Variants in KIF21A observed in about 807,000 individuals in gnomAD.
KIF21A encodes kinesin-like protein KIF21A.
KIF21A carries 114 observed loss-of-function variants against 202.9 expected under a neutral mutation model. That is an observed-to-expected ratio of 0.56 (90% CI 0.48 to 0.66). KIF21A has a LOEUF of 0.66. Among genes scored for constraint, KIF21A ranks in the 30% least tolerant of loss-of-function variants. The pLI is 0.00. For missense variants in KIF21A, 1,677 were observed against 1,994.9 expected (o/e 0.84, Z 3.04); for synonymous variants, 667 against 670.8 (o/e 0.99, Z 0.09).
At chr12:39,296,373 T>A (rs1942372524) in intron 37 of KIF21A, among the ~76,000 whole-genome samples, 1 of 152,058 alleles carries the variant, frequency 6.6e-6, no homozygotes, top group African/African-American at 2.4e-5. Flanking sequence ...CTGGCCAGGA[T>A]ATGCTGTTTT....
chr12:39,319,289 A>T (rs983317967), intron 28 of KIF21A, among the ~76,000 whole-genome samples: 1 of 152,216 alleles, frequency 6.6e-6, no homozygotes, highest in African/African-American at 2.4e-5. Flanking sequence ...CAGTGGTTCT[A>T]ATCCAATCAA....
At chr12:39,321,206 A>C (rs1945213362) in intron 27 of KIF21A, 1 of 152,198 alleles carries the variant, frequency 6.6e-6, no homozygotes, top group Non-Finnish European at 1.5e-5. Flanking sequence ...ACAATGTATA[A>C]AGAATTACAA....
rs10243 is a variant in KIF21A at position 39,301,540 on chromosome 12, C to T, written c.4871G>A (p.Gly1624Asp). The change falls in exon 37 of 38, where the codon GGT becomes GAT. Residue 1624 changes from glycine to aspartate, a missense_variant. Gly to Asp is a moderately conservative substitution (Grantham distance 94, BLOSUM62 -1). Around this residue, in one of 3 missense-constraint regions of KIF21A, gnomAD observed 705 missense variants for 791.9 expected, o/e 0.89. Transcript: ENST00000361418. Reference protein sequence around the residue: ...DTFMPVGEMKGHDSPINAICV... With the variant: ...DTFMPVGEMKDHDSPINAICV... ...TATGGCATTGATAGGACTATCATGA[C>T]CCTTCATCTCTCCCACTGGCATAAA... is the stretch of plus-strand genomic sequence containing the variant. 1 of 1,614,030 alleles carries T rather than the reference C, an allele frequency of 6.2e-7. No homozygotes were observed. Among genetic ancestry groups the T allele is most frequent in the Non-Finnish European group, 8.5e-7 (1 of 1,179,956 alleles).
At chr12:39,369,995 T>C (rs376250381) in intron 2 of KIF21A, 44 bp downstream of exon 2, 115 of 1,594,104 alleles carry the variant, frequency 7.2e-5, no homozygotes, top group Non-Finnish European at 9.3e-5. Context: ...TGAATTAACA[T>C]TTCTGAAAAG....
At chr12:39,302,042 T>C (rs895200766) in intron 36 of KIF21A, among the ~76,000 whole-genome samples, 1 of 152,198 alleles carries the variant, frequency 6.6e-6, no homozygotes, top group Non-Finnish European at 1.5e-5. Context: ...CAACCTGGTA[T>C]GTGGACTATA....
At chr12:39,301,764 A>G (rs1033936938) in intron 36 of KIF21A, 85 bp from the exon 37 acceptor site, 153 of 1,184,540 alleles carry the variant, frequency 1.3e-4, no homozygotes, top group Non-Finnish European at 1.8e-4. Context: ...AAAACATTTT[A>G]TTGCCAAAAC....
At chr12:39,364,518 A>T (rs1411062011) in intron 6 of KIF21A, among the ~76,000 whole-genome samples, 1 of 152,218 alleles carries the variant, frequency 6.6e-6, no homozygotes, top group African/African-American at 2.4e-5. Context: ...CATCAAGATG[A>T]GTATTGGAGT....
At chr12:39,430,677 T>C (rs1937760406) in intron 1 of KIF21A, among the ~76,000 whole-genome samples, 1 of 152,200 alleles carries the variant, frequency 6.6e-6, no homozygotes, top group Non-Finnish European at 1.5e-5. Flanking sequence ...ATTTTATGTT[T>C]TGGTGTGTGT....
intron 37 of KIF21A, among the ~76,000 whole-genome samples, chr12:39,296,066 A>T (rs1591991132): frequency 8.6e-6 from 1 of 116,788 alleles, no homozygotes; most frequent in Non-Finnish European, 1.7e-5. Flanking sequence ...AGTGCTTGGG[A>T]TACGCTTTTT....
rs757651743 is a variant in KIF21A at position 39,357,412 on chromosome 12, C to T, written c.1241G>A (p.Gly414Asp). ...KTGKRIIDEEGVESINDMFHE... is the reference protein window; with the variant it reads ...KTGKRIIDEEDVESINDMFHE... ...AAACATGTCATTGATGCTTTCCACA[C>T]CCTCTTCGTCAATTATTCTTTTACC... The change falls in exon 9 of 38, where the codon GGT (glycine) becomes GAT (aspartate). Residue 414 changes from glycine to aspartate, a missense_variant. Gly to Asp is a moderately conservative substitution (Grantham distance 94, BLOSUM62 -1). Transcript: ENST00000361418. The T allele has an allele frequency of 5.6e-6, 9 of 1,614,016 alleles. No homozygotes were observed. The highest frequency in any genetic ancestry group is 7.6e-6 in the Non-Finnish European group (9 of 1,179,906).
intron 31 of KIF21A, chr12:39,312,366 G>A (rs1378858256): frequency 6.6e-6 from 1 of 152,002 alleles, no homozygotes; most frequent in Non-Finnish European, 1.5e-5. Flanking sequence ...ACGGTTACCA[G>A]AGGCTAGGTA....
chr12:39,392,376 T>C (rs1332499893), intron 1 of KIF21A, among the ~76,000 whole-genome samples: 1 of 152,110 alleles, frequency 6.6e-6, no homozygotes, highest in Non-Finnish European at 1.5e-5. Flanking sequence ...AACCCCTGTT[T>C]GTATAACCAC....
chr12:39,424,693 C>T (rs1437792155), intron 1 of KIF21A, among the ~76,000 whole-genome samples: 1 of 152,186 alleles, frequency 6.6e-6, no homozygotes, highest in African/African-American at 2.4e-5. Flanking sequence ...AGCTCTATCT[C>T]CCCAAATCTA....
Position 39,331,696 on chromosome 12 carries a change from G to T in KIF21A, c.3147C>A (p.Ile1049=). 1 of 1,606,400 alleles carries T rather than the reference G, an allele frequency of 6.2e-7. No homozygotes were observed. The highest frequency in any genetic ancestry group is 1.1e-5 in the South Asian group (1 of 90,914). Residue 1049 remains isoleucine (I), a synonymous_variant, in exon 22 of 38, where the codon ATC becomes ATA. Transcript: ENST00000361418. ...CAGTGTGGTTGTATCTTACCTTATTGATGCCCATTGACAGGAAGTGATCTA... is the reference window on the plus strand; with the variant it reads ...CAGTGTGGTTGTATCTTACCTTATTTATGCCCATTGACAGGAAGTGATCTA... ...YLLDHFLSMG[I]NKGLQAAQKE... is the part of the protein sequence containing the mutation.
chr12:39,338,036 T>C lies in KIF21A; in HGVS notation c.2311-833A>G, dbSNP rs544793699. Among the ~76,000 whole-genome samples, 12 of 152,296 alleles carry C rather than the reference T, an allele frequency of 7.9e-5. No homozygotes were observed. The East Asian group carries it at 2.3e-3, about 29-fold the overall frequency. On this transcript the variant is annotated intron_variant, in intron 16 of 37. Transcript: ENST00000361418. ...GACTTATGAAAAAAAAAGTTAACTA[T>C]AAAGCAGCCTCAGGCAAGCCCTTGA...
At chr12:39,325,694 T>C (rs1278606551) in intron 26 of KIF21A, 145 bp downstream of exon 26, 1 of 642,664 alleles carries the variant, frequency 1.6e-6, no homozygotes, top group Non-Finnish European at 2.7e-6. Flanking sequence ...GGAAATATGA[T>C]TAAAAAAACT....
intron 16 of KIF21A, chr12:39,337,508 T>C (rs1044161438): frequency 2.2e-5 from 7 of 325,040 alleles, no homozygotes; most frequent in African/African-American, 1.5e-4. Context: ...CGAATTACTT[T>C]ACCTCTCTAG....
chr12:39,346,031 G>A (rs1378697220), intron 12 of KIF21A, among the ~76,000 whole-genome samples: 1 of 151,908 alleles, frequency 6.6e-6, no homozygotes, highest in Admixed American at 6.6e-5. Flanking sequence ...ATAAAGAAGA[G>A]AGAGACAGAG....
chr12:39,412,261 A>T, intron 1 of KIF21A, among the ~76,000 whole-genome samples: 1 of 152,226 alleles, frequency 6.6e-6, no homozygotes, highest in South Asian at 2.1e-4. Context: ...AAATCCAAGC[A>T]CATGGCAACA....
Sources: gnomAD v4.1 joint callset for allele counts (sites outside exome capture counted in the v4.1 genomes callset) on GRCh38, gnomAD v4.1.1 for gene constraint, gnomAD v4.1.1 regional missense constraint, MANE v1.5 for transcripts, NCBI Gene and HGNC (gene_info 2026-07-23, HGNC 2026-07-21) for gene names.